The following LHFPL6 variants were observed in gnomAD, a reference collection of about 807,000 sequenced individuals.
The protein encoded by LHFPL6 is LHFPL tetraspan subfamily member 6 protein.
LHFPL6 carries 9 observed loss-of-function variants against 20.6 expected under a neutral mutation model. That is an observed-to-expected ratio of 0.44 (90% CI 0.26 to 0.76). The LOEUF is 0.76. Among genes scored for constraint, LHFPL6 ranks in the 30% least tolerant of loss-of-function variants. The pLI, the probability that LHFPL6 is intolerant of heterozygous loss-of-function variation, is 0.20. For synonymous variants in LHFPL6, 105 were observed against 98.7 expected, an observed-to-expected ratio of 1.06 and a Z score of -0.38; for missense variants, 218 against 253.5, an observed-to-expected ratio of 0.86 and a Z score of 0.95.
intron 2 of LHFPL6, among the ~76,000 whole-genome samples, chr13:39,534,598 G>T (rs1293621982): frequency 6.6e-6 from 1 of 152,206 alleles, no homozygotes; most frequent in East Asian, 1.9e-4. Flanking sequence ...ATTAAGGAGA[G>T]ATGGGAAAGG....
At chr13:39,492,346 T>G (rs10161885) in intron 2 of LHFPL6, among the ~76,000 whole-genome samples, 1 of 152,202 alleles carries the variant, frequency 6.6e-6, no homozygotes. Context: ...TAGGTAATGT[T>G]ATTTTTGTTC....
chr13:39,396,998 A>G (rs977669333), intron 2 of LHFPL6, among the ~76,000 whole-genome samples: 7 of 152,162 alleles, frequency 4.6e-5, no homozygotes, highest in African/African-American at 1.2e-4. Context: ...TCAGACTTGT[A>G]GCCTCAGAAC....
chr13:39,563,419 C>G (rs1871609952), intron 2 of LHFPL6, among the ~76,000 whole-genome samples: 1 of 152,052 alleles, frequency 6.6e-6, no homozygotes, highest in African/African-American at 2.4e-5. Flanking sequence ...AGGAAAAAAG[C>G]AAGCATATTC....
At chr13:39,486,207 G>T (rs186350939) in intron 2 of LHFPL6, among the ~76,000 whole-genome samples, 1 of 152,282 alleles carries the variant, frequency 6.6e-6, no homozygotes, top group African/African-American at 2.4e-5. Flanking sequence ...AGTGGGACAA[G>T]ACCTGGAATT....
intron 2 of LHFPL6, among the ~76,000 whole-genome samples, chr13:39,512,096 A>G (rs946094875): frequency 6.6e-6 from 1 of 152,208 alleles, no homozygotes; most frequent in Non-Finnish European, 1.5e-5. Flanking sequence ...TGTAATTTAA[A>G]GACTTTTAAG....
intron 2 of LHFPL6, among the ~76,000 whole-genome samples, chr13:39,448,483 A>G (rs1471487252): frequency 6.6e-6 from 1 of 152,190 alleles, no homozygotes; most frequent in Non-Finnish European, 1.5e-5. Flanking sequence ...ATAATTATGA[A>G]AAGAGCAGAC....
In LHFPL6 at chr13:39,557,811, G is replaced by A. The variant is rs137874806; in HGVS notation, c.385+43021C>T. Among the ~76,000 whole-genome samples the A allele has an allele frequency of 4.3e-3, 662 of 152,322 alleles. 3 individuals carry two copies. The highest frequency in any genetic ancestry group is 7.7e-3 in the Non-Finnish European group (523 of 68,026). ...CAGGTGTTGCTCCTCAGCGTGCTTG[G>A]AAGCCCTCATGAACGGCTCAGCCCC... is the stretch of plus-strand genomic sequence containing the variant. On this transcript the variant is annotated intron_variant, in intron 2 of 3. Transcript: ENST00000379589.
intron 2 of LHFPL6, among the ~76,000 whole-genome samples, chr13:39,419,442 T>C (rs1335799535): frequency 6.6e-6 from 1 of 152,230 alleles, no homozygotes; most frequent in Non-Finnish European, 1.5e-5. Flanking sequence ...ATATTTGGTA[T>C]TCCCATCCTC....
In LHFPL6 at chr13:39,412,472, T is replaced by C. The variant is rs1871256716; in HGVS notation, c.386-33946A>G. ...TTAATTATACTACCATGCCTAAAAA[T>C]AGCAGCTAGCAATTCTTGAGAACTA... On this transcript the variant is annotated intron_variant, in intron 2 of 3. Transcript: ENST00000379589. Among the ~76,000 whole-genome samples, 4 of 152,240 alleles carry C rather than the reference T, an allele frequency of 2.6e-5. No individual in the cohort carries two copies. The South Asian group carries it at 6.2e-4, about 24-fold the overall frequency.
chr13:39,595,145 A>T (rs993406343), intron 2 of LHFPL6, among the ~76,000 whole-genome samples: 1 of 152,134 alleles, frequency 6.6e-6, no homozygotes, highest in Non-Finnish European at 1.5e-5. Context: ...AAATAAAAAT[A>T]AAAACATTAT....
chr13:39,498,152 G>A (rs1869161716), intron 2 of LHFPL6, among the ~76,000 whole-genome samples: 1 of 152,176 alleles, frequency 6.6e-6, no homozygotes, highest in African/African-American at 2.4e-5. Context: ...ATTTTACTCT[G>A]CTTCTGGTGA....
rs927514 is a variant in LHFPL6, at chr13:39,494,752, A to C, written c.385+106080T>G. ...TAAGCTCTATAGTCATTTAAGATTT[A>C]ATTGGAATCAAATGTGCCACACTTA... On this transcript the variant is annotated intron_variant, in intron 2 of 3. Coordinates refer to ENST00000379589, the MANE Select transcript of LHFPL6 (RefSeq NM_005780.3). Among the ~76,000 whole-genome samples, 3 of 152,316 alleles carry C rather than the reference A, an allele frequency of 2.0e-5. No homozygotes were observed. The East Asian group carries it at 5.8e-4, about 29-fold the overall frequency.
At chr13:39,506,909 C>G (rs946231309) in intron 2 of LHFPL6, among the ~76,000 whole-genome samples, 1 of 152,094 alleles carries the variant, frequency 6.6e-6, no homozygotes, top group Non-Finnish European at 1.5e-5. Flanking sequence ...TGGCTTAGTG[C>G]TTTGAGTTTA....
At chr13:39,528,022 A>G (rs1253948526) in intron 2 of LHFPL6, among the ~76,000 whole-genome samples, 1 of 152,202 alleles carries the variant, frequency 6.6e-6, no homozygotes, top group South Asian at 2.1e-4. Flanking sequence ...GTAGCTCATG[A>G]ACTAGTACTA....
chr13:39,544,794 A>C (rs1043838531), intron 2 of LHFPL6, among the ~76,000 whole-genome samples: 2 of 152,172 alleles, frequency 1.3e-5, no homozygotes, highest in African/African-American at 4.8e-5. Flanking sequence ...AAACTGTTAC[A>C]GTACAAAAAG....
At chr13:39,481,984 G>A (rs1284870068) in intron 2 of LHFPL6, among the ~76,000 whole-genome samples, 1 of 152,122 alleles carries the variant, frequency 6.6e-6, no homozygotes, top group Non-Finnish European at 1.5e-5. Context: ...TGGATATGGG[G>A]AATCAAAAGT....
intron 2 of LHFPL6, among the ~76,000 whole-genome samples, chr13:39,562,389 C>T (rs75578025): frequency 0.011 from 461 of 40,352 alleles, 11 homozygotes; most frequent in Middle Eastern, 0.033. Flanking sequence ...TATACATATA[C>T]ATATATATAC....
In LHFPL6 at chr13:39,465,516, G is replaced by A. The variant is rs183344306; in HGVS notation, c.386-86990C>T. On this transcript the variant is annotated intron_variant, in intron 2 of 3. Transcript: ENST00000379589. ...TAGGTTTAAAAATTAGACTCCCACCGTCTTCAGATCATATCCCACCAAACT... is the reference window on the plus strand; with the variant it reads ...TAGGTTTAAAAATTAGACTCCCACCATCTTCAGATCATATCCCACCAAACT... 1.6e-3 allele frequency among the ~76,000 whole-genome samples: 242 copies of A among 152,180 alleles called. 1 individual carries two copies. The highest frequency in any genetic ancestry group is 5.4e-3 in the African/African-American group (224 of 41,526).
intron 2 of LHFPL6, among the ~76,000 whole-genome samples, chr13:39,527,052 C>A (rs1191082370): frequency 1.3e-5 from 2 of 152,162 alleles, no homozygotes; most frequent in Non-Finnish European, 2.9e-5. Context: ...TTTTAGAGAG[C>A]AGCCTTTATG....
Sources: gnomAD v4.1 joint callset for allele counts (sites outside exome capture counted in the v4.1 genomes callset) on GRCh38, gnomAD v4.1.1 for gene constraint, MANE v1.5 for transcripts, NCBI Gene and HGNC (gene_info 2026-07-23, HGNC 2026-07-21) for gene names.